Variants in LHFPL3 observed in about 807,000 individuals in gnomAD.
LHFPL3 encodes LHFPL tetraspan subfamily member 3.
Under a neutral mutation model 19.3 loss-of-function variants are expected in LHFPL3, and 5 were observed. That is an observed-to-expected ratio of 0.26 (90% CI 0.14 to 0.54). The LOEUF (loss-of-function observed/expected upper bound fraction) is 0.54. Ranked by LOEUF, LHFPL3 falls within the 20% of genes least tolerant of loss-of-function variation. LHFPL3 has a pLI of 0.94. For synonymous variants in LHFPL3, 133 were observed against 126.2 expected (o/e 1.05, Z -0.36); for missense variants, 249 against 307.4 (o/e 0.81, Z 1.42).
At chr7:104,452,282 T>C (rs1407211266) in intron 1 of LHFPL3, among the ~76,000 whole-genome samples, 1 of 152,252 alleles carries the variant, frequency 6.6e-6, no homozygotes, top group Non-Finnish European at 1.5e-5. Context: ...ATATCTGTAC[T>C]GTATATGTAT....
intron 1 of LHFPL3, among the ~76,000 whole-genome samples, chr7:104,374,587 G>A (rs1477094922): frequency 6.6e-6 from 1 of 152,082 alleles, no homozygotes; most frequent in Non-Finnish European, 1.5e-5. Flanking sequence ...AATGGAGCAC[G>A]GGTGGGAGAC....
In LHFPL3 at chr7:104,670,866, GT is replaced by G. The variant is rs71155517; in HGVS notation, c.446-65796del. Among the ~76,000 whole-genome samples, 155 of 143,934 alleles carry G rather than the reference GT, an allele frequency of 1.1e-3. 1 individual carries two copies. Among genetic ancestry groups the G allele is most frequent in the Middle Eastern group, 3.5e-3 (1 of 282 alleles). The allele number at this position is 143,934 out of a possible 152,430, so 94.4% of individuals were successfully genotyped here. On this transcript the variant is annotated intron_variant, in intron 1 of 2. Transcript: ENST00000424859. ...TGGCCAGACCAATGTGTTTTGTTTTGTTTTTTTTTTTTTAAGCTTCCCTTGA... is the reference window on the plus strand; with the variant it reads ...TGGCCAGACCAATGTGTTTTGTTTTGTTTTTTTTTTTTAAGCTTCCCTTGA...
intron 1 of LHFPL3, among the ~76,000 whole-genome samples, chr7:104,384,787 C>CAAAAAAAAAAAAAAAAAAAAAA (rs771136918): frequency 4.0e-5 from 3 of 74,564 alleles, no homozygotes; most frequent in Non-Finnish European, 7.9e-5. Context: ...AACTCTATTT[C>CAAAAAAAAAAAAAAAAAAAAAA]AAAAAAAAAA....
intron 1 of LHFPL3, among the ~76,000 whole-genome samples, chr7:104,533,009 C>T (rs931792791): frequency 6.6e-6 from 1 of 152,196 alleles, no homozygotes; most frequent in East Asian, 1.9e-4. Flanking sequence ...TCCAAGGGAA[C>T]TATAGTCGTC....
At chr7:104,486,000 G>A (rs942428974) in intron 1 of LHFPL3, among the ~76,000 whole-genome samples, 1 of 152,164 alleles carries the variant, frequency 6.6e-6, no homozygotes, top group African/African-American at 2.4e-5. Flanking sequence ...TCCTTTCAGG[G>A]AAGATCATTT....
chr7:104,415,924 G>A (rs1191305179), intron 1 of LHFPL3, among the ~76,000 whole-genome samples: 1 of 152,172 alleles, frequency 6.6e-6, no homozygotes, highest in African/African-American at 2.4e-5. Context: ...AGCAGACATT[G>A]CAGCTTGCAC....
intron 1 of LHFPL3, among the ~76,000 whole-genome samples, chr7:104,698,085 GC>G (rs1793030670): frequency 6.6e-6 from 1 of 152,182 alleles, no homozygotes; most frequent in East Asian, 1.9e-4. Context: ...AACGTGCTCA[GC>G]AGTCAGGCCT....
chr7:104,765,239 T>C (rs1166668148), intron 2 of LHFPL3, among the ~76,000 whole-genome samples: 2 of 152,200 alleles, frequency 1.3e-5, no homozygotes, highest in African/African-American at 2.4e-5. Flanking sequence ...TCTACTCCCT[T>C]TTCAGCACAA....
intron 2 of LHFPL3, among the ~76,000 whole-genome samples, chr7:104,787,124 T>C (rs1392491025): frequency 6.6e-6 from 1 of 152,226 alleles, no homozygotes; most frequent in African/African-American, 2.4e-5. Flanking sequence ...CATAGTTGCA[T>C]TGAGAACCTC....
chr7:104,680,950 T>C (rs912078986), intron 1 of LHFPL3, among the ~76,000 whole-genome samples: 1 of 152,200 alleles, frequency 6.6e-6, no homozygotes, highest in Non-Finnish European at 1.5e-5. Context: ...AGAACTACAG[T>C]ATCCATCAAA....
intron 1 of LHFPL3, among the ~76,000 whole-genome samples, chr7:104,645,118 AG>A: frequency 6.6e-6 from 1 of 152,202 alleles, no homozygotes; most frequent in African/African-American, 2.4e-5. Flanking sequence ...TTGCCTGTGT[AG>A]ACACAGCTTA....
chr7:104,479,268 A>C (rs182648699), intron 1 of LHFPL3, among the ~76,000 whole-genome samples: 2 of 152,328 alleles, frequency 1.3e-5, no homozygotes, highest in African/African-American at 4.8e-5. Flanking sequence ...TATTGTTTTC[A>C]TCAGGCATTT....
At chr7:104,663,939 G>A (rs1000091900) in intron 1 of LHFPL3, among the ~76,000 whole-genome samples, 2 of 152,214 alleles carry the variant, frequency 1.3e-5, no homozygotes, top group Non-Finnish European at 2.9e-5. Flanking sequence ...ATTGCTGTAT[G>A]TGGTTTCAGT....
At chr7:104,338,816 C>T (rs941409105) in intron 1 of LHFPL3, among the ~76,000 whole-genome samples, 1 of 152,140 alleles carries the variant, frequency 6.6e-6, no homozygotes, top group African/African-American at 2.4e-5. Flanking sequence ...CATGGCCCAC[C>T]TCTGAGAAAC....
At chr7:104,671,020 A>T (rs1323294797) in intron 1 of LHFPL3, among the ~76,000 whole-genome samples, 11 of 152,108 alleles carry the variant, frequency 7.2e-5, no homozygotes, top group Admixed American at 7.2e-4. Context: ...ATTAGCAGAG[A>T]AACACCTTGA....
At chr7:104,839,766 C>A (rs1490418402) in intron 2 of LHFPL3, among the ~76,000 whole-genome samples, 3 of 152,184 alleles carry the variant, frequency 2.0e-5, no homozygotes, top group African/African-American at 4.8e-5. Flanking sequence ...GATATTAAGT[C>A]TCTCTGCACT....
intron 1 of LHFPL3, among the ~76,000 whole-genome samples, chr7:104,619,288 C>T (rs1791401649): frequency 1.3e-5 from 2 of 152,198 alleles, no homozygotes; most frequent in Non-Finnish European, 2.9e-5. Flanking sequence ...AATATCCTAT[C>T]ATTATTGCAT....
intron 2 of LHFPL3, among the ~76,000 whole-genome samples, chr7:104,853,255 G>A (rs1021814031): frequency 6.6e-6 from 1 of 152,178 alleles, no homozygotes; most frequent in Non-Finnish European, 1.5e-5. Flanking sequence ...GAGGTTCCTC[G>A]AGTCAGGGGA....
chr7:104,412,743 G>A (rs1045060203), intron 1 of LHFPL3, among the ~76,000 whole-genome samples: 2 of 152,240 alleles, frequency 1.3e-5, no homozygotes, highest in East Asian at 1.9e-4. Context: ...AGAGAGTTCA[G>A]TAGCTTATGT....
Sources: allele counts gnomAD v4.1 joint callset (sites outside exome capture counted in the v4.1 genomes callset), GRCh38; gene constraint gnomAD v4.1.1; transcripts MANE v1.5; gene names NCBI Gene and HGNC (gene_info 2026-07-23, HGNC 2026-07-21).